The following ANKRD44 variants were observed in gnomAD, a reference collection of about 807,000 sequenced individuals.
ANKRD44 encodes the protein ankyrin repeat domain 44.
In ANKRD44, 35 loss-of-function variants were observed where a neutral mutation model predicts 116.0. The observed-to-expected ratio is 0.30, with a 90% CI of 0.23 to 0.40. The LOEUF is 0.40. ANKRD44 is among the 10% of genes least tolerant of loss of function. ANKRD44 has a pLI of 1.00. For synonymous variants in ANKRD44, 435 were observed against 461.8 expected (o/e 0.94, Z 0.74); for missense variants, 1,014 against 1,242.6 (o/e 0.82, Z 2.77).
In ANKRD44 at chr2:196,989,373, C is replaced by A; in HGVS notation, c.*218G>T. ...TAAGAAATATAAAATACAACAAAGA[C>A]TGGTACACAGAAAGATTACATTTAA... On this transcript the variant is annotated 3_prime_UTR_variant, in exon 28 of 28. Transcript: ENST00000282272. The A allele has an allele frequency of 9.0e-7, 1 of 1,109,098 alleles. No individual in the cohort carries two copies. The highest frequency in any genetic ancestry group is 1.1e-6 in the Non-Finnish European group (1 of 908,982). The allele number at this position is 1,109,098 out of a possible 1,614,324, so 68.7% of individuals were successfully genotyped here.
At chr2:197,289,697 A>T (rs1221113295) in intron 1 of ANKRD44, among the ~76,000 whole-genome samples, 1 of 152,164 alleles carries the variant, frequency 6.6e-6, no homozygotes, top group Non-Finnish European at 1.5e-5. Flanking sequence ...TTTGCCTAGG[A>T]TGTAAAGTAG....
In ANKRD44 at chr2:197,201,190, C is replaced by CA. The variant is rs2081084903; in HGVS notation, c.28-14085dup. On this transcript the variant is annotated intron_variant, in intron 1 of 27. Coordinates refer to ENST00000282272, the MANE Select transcript of ANKRD44 (RefSeq NM_001195144.2). The surrounding 1 kb of genome is among the most constrained non-coding windows in gnomAD (Gnocchi z 4.0). ...ATCCCAGTTTAAAATTAGCTTGCAG[C>CA]ATGTTTTTTAAACATTAGGAAAACA... Among the ~76,000 whole-genome samples, 1 of 151,880 alleles carries CA rather than the reference C, an allele frequency of 6.6e-6. No homozygotes were observed.
chr2:197,013,394 T>C (rs1162431015), intron 18 of ANKRD44, 117 bp downstream of exon 18: 27 of 1,156,490 alleles, frequency 2.3e-5, no homozygotes, highest in Non-Finnish European at 2.9e-5. Flanking sequence ...GTGCATCTGA[T>C]GTGGAAAGAA....
intron 1 of ANKRD44, among the ~76,000 whole-genome samples, chr2:197,252,642 C>A (rs2082348666): frequency 6.6e-6 from 1 of 152,164 alleles, no homozygotes; most frequent in Non-Finnish European, 1.5e-5. Context: ...CTCCTGACCT[C>A]ATGATCCGCC....
intron 16 of ANKRD44, chr2:197,077,674 C>T (rs971537207): frequency 6.6e-6 from 1 of 152,206 alleles, no homozygotes; most frequent in Non-Finnish European, 1.5e-5. Flanking sequence ...GGAGAACTTT[C>T]ATCCTGTGTT....
intron 15 of ANKRD44, among the ~76,000 whole-genome samples, chr2:197,081,374 A>G (rs563113641): frequency 3.5e-4 from 54 of 152,348 alleles, no homozygotes; most frequent in African/African-American, 1.2e-3. Flanking sequence ...AGTTAGAATG[A>G]TATTTAGGAC....
intron 4 of ANKRD44, among the ~76,000 whole-genome samples, chr2:197,126,844 T>C (rs1240720590): frequency 5.1e-5 from 2 of 39,070 alleles, no homozygotes; most frequent in South Asian, 1.4e-3. Flanking sequence ...CAACCGGGAG[T>C]GGTGTTGTGG....
Position 197,274,018 on chromosome 2 carries a change from T to TATATAG in ANKRD44, c.27+36559_27+36560insCTATAT, listed in dbSNP as rs2083002624. Among the ~76,000 whole-genome samples the TATATAG allele has an allele frequency of 2.8e-5, 2 of 70,980 alleles. 1 individual carries two copies. The highest frequency in any genetic ancestry group is 5.5e-5 in the Non-Finnish European group (2 of 36,488). The allele number at this position is 70,980 out of a possible 152,430, so 46.6% of individuals were successfully genotyped here. A position where few individuals can be genotyped will look rare whatever the true frequency, so the allele number is the denominator to read the frequency against. On this transcript the variant is annotated intron_variant, in intron 1 of 27. Coordinates refer to ENST00000282272, the MANE Select transcript of ANKRD44 (RefSeq NM_001195144.2). ...ATATATATATATATATATATATATA[T>TATATAG]ATATATATATGAATCAGACAGGCTT...
At chr2:197,219,682 T>A (rs2081540686) in intron 1 of ANKRD44, among the ~76,000 whole-genome samples, 1 of 152,180 alleles carries the variant, frequency 6.6e-6, no homozygotes, top group Non-Finnish European at 1.5e-5. Flanking sequence ...ACAATCATGG[T>A]CTGCAAAGTG....
rs553056223 is a variant in ANKRD44, at chr2:196,973,401, C to T, written c.2369-5955G>A. ...TTTCTATCATTTGACTTTAACTTTG[C>T]TTATGATGATATTACCATCCAAAAT... On this transcript the variant is annotated intron_variant, in intron 21 of 21. Coordinates refer to the ANKRD44 transcript ENST00000424317. 3.3e-5 allele frequency among the ~76,000 whole-genome samples: 5 copies of T among 152,004 alleles called. No individual in the cohort carries two copies. The South Asian group carries it at 1.0e-3, about 32-fold the overall frequency.
At chr2:197,297,767 T>C (rs915754639) in intron 1 of ANKRD44, among the ~76,000 whole-genome samples, 2 of 152,194 alleles carry the variant, frequency 1.3e-5, no homozygotes, top group Non-Finnish European at 2.9e-5. Flanking sequence ...CCTGAAACCT[T>C]GATAGAAGAC....
chr2:197,026,047 C>CAAAAAAAAAAAAAAAAAAAA (rs111706910), intron 16 of ANKRD44, among the ~76,000 whole-genome samples: 1 of 130,352 alleles, frequency 7.7e-6, no homozygotes, highest in Non-Finnish European at 1.6e-5. Flanking sequence ...TAAAAAGAAA[C>CAAAAAAAAAAAAAAAAAAAA]AAAAAAAAAA....
intron 1 of ANKRD44, among the ~76,000 whole-genome samples, chr2:197,227,092 T>C (rs1405781600): frequency 6.6e-6 from 1 of 152,192 alleles, no homozygotes; most frequent in Non-Finnish European, 1.5e-5. Context: ...AGCATCTTAA[T>C]TCTCAATCTA....
chr2:197,054,792 C>A (rs1169314615), intron 16 of ANKRD44, among the ~76,000 whole-genome samples: 1 of 152,158 alleles, frequency 6.6e-6, no homozygotes, highest in Non-Finnish European at 1.5e-5. Context: ...GGCTAAAGCA[C>A]CATTTGCAGA....
intron 2 of ANKRD44, among the ~76,000 whole-genome samples, chr2:197,163,958 G>A (rs2080034380): frequency 6.6e-6 from 1 of 152,182 alleles, no homozygotes; most frequent in African/African-American, 2.4e-5. Context: ...GAGGGTTTAA[G>A]AGATTACAGT....
chr2:197,216,968 C>T (rs528524040), intron 1 of ANKRD44, among the ~76,000 whole-genome samples: 5 of 151,464 alleles, frequency 3.3e-5, no homozygotes, highest in African/African-American at 1.2e-4. Flanking sequence ...ACTCAGTGAC[C>T]ATCAAAAACG....
At chr2:197,101,253 T>A (rs1197419457) in intron 9 of ANKRD44, among the ~76,000 whole-genome samples, 1 of 152,096 alleles carries the variant, frequency 6.6e-6, no homozygotes, top group African/African-American at 2.4e-5. Context: ...AAGTTTCTCA[T>A]GTCGTTGATA....
chr2:197,306,043 G>A (rs1398877414), intron 1 of ANKRD44, among the ~76,000 whole-genome samples: 2 of 149,484 alleles, frequency 1.3e-5, no homozygotes, highest in African/African-American at 5.0e-5. Flanking sequence ...TGAGGAAATG[G>A]AGAGGCTAAT....
rs952250820 is a variant in ANKRD44 at position 196,989,209 on chromosome 2, A to G, written c.*382T>C. The G allele has an allele frequency of 8.7e-5, 85 of 981,992 alleles. No homozygotes were observed. In the African/African-American group the frequency reaches 1.4e-3, roughly 16 times the overall value. The allele number at this position is 981,992 out of a possible 1,614,324, so 60.8% of individuals were successfully genotyped here. On this transcript the variant is annotated 3_prime_UTR_variant, in exon 28 of 28. Transcript: ENST00000282272. ...AACAAATAATGGATGTTTCCTCACC[A>G]TTTGTTTCATTTCAAATAAATATAA...
Sources: allele counts gnomAD v4.1 joint callset (sites outside exome capture counted in the v4.1 genomes callset), GRCh38; gene constraint gnomAD v4.1.1; non-coding constraint Gnocchi (gnomAD v3.1); transcripts MANE v1.5; gene names NCBI Gene and HGNC (gene_info 2026-07-23, HGNC 2026-07-21).